Variants in CCDC27 observed in about 807,000 individuals in gnomAD.
CCDC27 encodes the protein coiled-coil domain containing 27.
A neutral mutation model predicts 80.3 loss-of-function variants in CCDC27; 80 were observed. The observed-to-expected ratio is 1.00, with a 90% CI of 0.83 to 1.20. The LOEUF (loss-of-function observed/expected upper bound fraction) is 1.20, where lower values mean the gene tolerates loss of function less well. Among genes scored for constraint, CCDC27 ranks in the 50% most tolerant of loss-of-function variants. The pLI is 0.00. For synonymous variants in CCDC27, 342 were observed against 334.3 expected (o/e 1.02, Z -0.25); for missense variants, 815 against 809.4 (o/e 1.01, Z -0.08).
At chr1:3,764,494 C>T (rs909317619) in intron 8 of CCDC27, among the ~76,000 whole-genome samples, 4 of 152,142 alleles carry the variant, frequency 2.6e-5, no homozygotes, top group South Asian at 2.1e-4. Flanking sequence ...TGCCACCGCC[C>T]CCCAACACAC....
intron 4 of CCDC27, among the ~76,000 whole-genome samples, chr1:3,759,200 G>C (rs1373386920): frequency 3.3e-5 from 5 of 150,830 alleles, no homozygotes; most frequent in African/African-American, 9.8e-5. Flanking sequence ...CCAGGCGACA[G>C]TGCAAGACTT....
chr1:3,753,320 C>CTTTTTTT (rs71580220), intron 1 of CCDC27, among the ~76,000 whole-genome samples: 5 of 94,998 alleles, frequency 5.3e-5, no homozygotes, highest in East Asian at 4.6e-4. Context: ...TTTTCTTTTT[C>CTTTTTTT]TTTTTTTTTT....
intron 1 of CCDC27, 37 bp from the exon 2 acceptor site, chr1:3,754,081 G>T: frequency 6.2e-7 from 1 of 1,605,906 alleles, no homozygotes; most frequent in Non-Finnish European, 8.5e-7. Context: ...ACAGTCAGGG[G>T]CCTTCCTTGT....
Position 3,756,953 on chromosome 1 carries a change from A to G in CCDC27, c.711+63A>G, listed in dbSNP as rs528925931. 5.8e-6 allele frequency: 9 copies of G among 1,542,522 alleles called. No individual in the cohort carries two copies. The Admixed American group carries it at 7.4e-5, about 13-fold the overall frequency. ...CCTCTCTCTGCGTCCGGCTGGGAGGACAGCCCTGCTCCCTGACAGGCTCTG... is the reference window on the plus strand; with the variant it reads ...CCTCTCTCTGCGTCCGGCTGGGAGGGCAGCCCTGCTCCCTGACAGGCTCTG... On this transcript the variant is annotated intron_variant, in intron 4 of 11. Transcript: ENST00000294600.
Position 3,768,871 on chromosome 1 carries a change from C to T in CCDC27, c.1744-912C>T, listed in dbSNP as rs760370539. ...ACCTCACGACCTCCAGCACCTGGCA[C>T]GGTGTTTGTACAAAGTTGGGCGCTC... On this transcript the variant is annotated intron_variant, in intron 10 of 11. Coordinates refer to ENST00000294600, the MANE Select transcript of CCDC27 (RefSeq NM_152492.3). This position sits in a 1 kb window ranked among gnomAD's most constrained non-coding sequence, Gnocchi z 5.6. 9.2e-5 allele frequency among the ~76,000 whole-genome samples: 14 copies of T among 152,246 alleles called. No homozygotes were observed. Among genetic ancestry groups the T allele is most frequent in the Non-Finnish European group, 1.9e-4 (13 of 68,014 alleles).
chr1:3,753,387 G>A (rs946308984), intron 1 of CCDC27, among the ~76,000 whole-genome samples: 18 of 147,502 alleles, frequency 1.2e-4, no homozygotes, highest in Admixed American at 6.1e-4. Context: ...GCAATGGCGC[G>A]ATCTTGGCTC....
Position 3,761,892 on chromosome 1 carries a change from G to A in CCDC27, c.861+462G>A, listed in dbSNP as rs1220275824. ...GCTCTGTGCATCATCTGCAGTGGTA[G>A]CTTGTATTACCCTGCCCTGGCCAGG... On this transcript the variant is annotated intron_variant, in intron 5 of 11. Transcript: ENST00000294600. The surrounding 1 kb of genome is among the most constrained non-coding windows in gnomAD (Gnocchi z 5.0). Among the ~76,000 whole-genome samples, 2 of 151,678 alleles carry A rather than the reference G, an allele frequency of 1.3e-5. No homozygotes were observed. The highest frequency in any genetic ancestry group is 1.3e-4 in the Admixed American group (2 of 15,228).
Position 3,768,730 on chromosome 1 carries a change from C to T in CCDC27, c.1744-1053C>T, listed in dbSNP as rs186585328. On this transcript the variant is annotated intron_variant, in intron 10 of 11. Coordinates refer to ENST00000294600, the MANE Select transcript of CCDC27 (RefSeq NM_152492.3). The surrounding 1 kb of genome is among the most constrained non-coding windows in gnomAD (Gnocchi z 5.6). The stretch of plus-strand genomic sequence containing the variant: ...CTAAGTCCGGGTGAGCAGGAACTAG[C>T]GCCAAGCCTGATGGTGAGGCCCCAC... 1.3e-5 allele frequency among the ~76,000 whole-genome samples: 2 copies of T among 152,140 alleles called. No individual in the cohort carries two copies. Among genetic ancestry groups the T allele is most frequent in the Non-Finnish European group, 2.9e-5 (2 of 68,022 alleles).
intron 8 of CCDC27, among the ~76,000 whole-genome samples, chr1:3,764,323 C>T (rs572074741): frequency 6.6e-6 from 1 of 152,198 alleles, no homozygotes; most frequent in East Asian, 1.9e-4. Flanking sequence ...AGCCTCTGAC[C>T]TCCTCCCTCT....
At chr1:3,757,953 C>T (rs1229915519) in intron 4 of CCDC27, among the ~76,000 whole-genome samples, 2 of 151,960 alleles carry the variant, frequency 1.3e-5, no homozygotes, top group East Asian at 3.9e-4. Flanking sequence ...TGGGGTTTCC[C>T]CATGTTGCCC....
In CCDC27 at chr1:3,763,745, A is replaced by G; in HGVS notation, c.1361A>G (p.Glu454Gly). The G allele has an allele frequency of 1.2e-6, 2 of 1,614,142 alleles. No homozygotes were observed. Among genetic ancestry groups the G allele is most frequent in the South Asian group, 1.1e-5 (1 of 91,088 alleles). The change falls in exon 8 of 12, where the codon GAA becomes GGA. Residue 454 changes from glutamate to glycine, a missense_variant. Transcript: ENST00000294600. This position sits in a 1 kb window ranked among gnomAD's most constrained non-coding sequence, Gnocchi z 7.5. ...ASLQQQVDFQ[E>G]TQLRKINTEN... ...TTACAACAACAAGTGGATTTCCAAG[A>G]AACCCAGCTGCGAAAGATCAATACG...
Position 3,763,097 on chromosome 1 carries a change from C to T in CCDC27, c.955-11C>T. On this transcript the variant is annotated splice_polypyrimidine_tract_variant and intron_variant, in intron 6 of 11. Transcript: ENST00000294600. This position sits in a 1 kb window ranked among gnomAD's most constrained non-coding sequence, Gnocchi z 7.5. ...CAGCCCTGCCCAGCCCCTGCCCTACCCATCTTACAGATGCAGGAGGAGTCT... is the reference window on the plus strand; with the variant it reads ...CAGCCCTGCCCAGCCCCTGCCCTACTCATCTTACAGATGCAGGAGGAGTCT... 6.8e-7 allele frequency: 1 copy of T among 1,467,518 alleles called. No individual in the cohort carries two copies. The highest frequency in any genetic ancestry group is 1.5e-5 in the South Asian group (1 of 68,816). 90.9% of individuals were successfully genotyped at this position (1,467,518 alleles called of 1,614,324 possible).
intron 10 of CCDC27, among the ~76,000 whole-genome samples, chr1:3,767,942 C>G (rs1271149306): frequency 6.6e-6 from 1 of 152,216 alleles, no homozygotes; most frequent in African/African-American, 2.4e-5. Flanking sequence ...TCCCCCTGGA[C>G]AGCAGACCTG....
rs1643089185 is a variant in CCDC27 at position 3,761,648 on chromosome 1, T to TG, written c.861+219dup. Among the ~76,000 whole-genome samples, 1 of 138,594 alleles carries TG rather than the reference T, an allele frequency of 7.2e-6. No homozygotes were observed. The highest frequency in any genetic ancestry group is 6.9e-5 in the Admixed American group (1 of 14,524). 90.9% of individuals were successfully genotyped at this position (138,594 alleles called of 152,430 possible). On this transcript the variant is annotated intron_variant, in intron 5 of 11. Coordinates refer to ENST00000294600, the MANE Select transcript of CCDC27 (RefSeq NM_152492.3). This position sits in a 1 kb window ranked among gnomAD's most constrained non-coding sequence, Gnocchi z 5.0. Reference sequence around the variant, plus strand: ...ATGACAAATGAGAGCCATGAGCTGATGCAACAGGGGGGGGAGAGATGAATG... The same window carrying TG: ...ATGACAAATGAGAGCCATGAGCTGATGGCAACAGGGGGGGGAGAGATGAATG...
rs535842276 is a variant in CCDC27, at chr1:3,761,871, T to C, written c.861+441T>C. 7.9e-5 allele frequency among the ~76,000 whole-genome samples: 12 copies of C among 152,140 alleles called. No homozygotes were observed. Among genetic ancestry groups the C allele is most frequent in the Admixed American group, 7.2e-4 (11 of 15,298 alleles). ...CAGGCGGATTCCCCGGGCCTGGCTC[T>C]GTGCATCATCTGCAGTGGTAGCTTG... On this transcript the variant is annotated intron_variant, in intron 5 of 11. Coordinates refer to ENST00000294600, the MANE Select transcript of CCDC27 (RefSeq NM_152492.3). The surrounding 1 kb of genome is among the most constrained non-coding windows in gnomAD (Gnocchi z 5.0).
rs1316451739 is a variant in CCDC27 at position 3,767,413 on chromosome 1, AC to A, written c.1714del (p.Arg572AlafsTer14). The A allele has an allele frequency of 6.2e-7, 1 of 1,613,248 alleles. No homozygotes were observed. The highest frequency in any genetic ancestry group is 1.7e-5 in the Admixed American group (1 of 60,008). ...KEMIQQAEQHTRVALESSQSR... is the reference protein window; with the variant it reads ...KEMIQQAEQHXRVALESSQSR... ...GATGATTCAGCAGGCAGAGCAGCAC[AC>A]CCGCGTGGCCCTGGAGAGCTCCCAG... is the stretch of plus-strand genomic sequence containing the variant. On this transcript the variant is annotated frameshift_variant, in exon 10 of 12. Transcript: ENST00000294600. LOFTEE classifies it high-confidence loss of function.
chr1:3,758,529 A>C (rs1643015774), intron 4 of CCDC27, among the ~76,000 whole-genome samples: 2 of 152,152 alleles, frequency 1.3e-5, no homozygotes, highest in South Asian at 4.2e-4. Flanking sequence ...CCCAGGCTGG[A>C]GTGCAATGGC....
intron 8 of CCDC27, among the ~76,000 whole-genome samples, chr1:3,765,288 C>T (rs900750789): frequency 5.9e-5 from 9 of 152,210 alleles, no homozygotes; most frequent in African/African-American, 1.9e-4. Flanking sequence ...TATCTTTGTC[C>T]CAGGTGATCT....
chr1:3,762,920 C>T (rs563488648), intron 6 of CCDC27, 188 bp from the exon 7 acceptor site: 28 of 821,480 alleles, frequency 3.4e-5, no homozygotes, highest in Middle Eastern at 3.7e-4. Context: ...AGGGAGGACC[C>T]GTGACAGAGG....
Sources: allele counts gnomAD v4.1 joint callset (sites outside exome capture counted in the v4.1 genomes callset), GRCh38; gene constraint gnomAD v4.1.1; non-coding constraint Gnocchi (gnomAD v3.1); transcripts MANE v1.5; gene names NCBI Gene and HGNC (gene_info 2026-07-23, HGNC 2026-07-21).